Variants in B3GALT1 observed in about 807,000 individuals in gnomAD.
B3GALT1 encodes UDP-Gal:betaGlcNAc beta 1,3-galactosyltransferase, polypeptide 1.
B3GALT1 carries 10 observed loss-of-function variants against 23.2 expected under a neutral mutation model. That is an observed-to-expected ratio of 0.43 (90% CI 0.27 to 0.73). The LOEUF is 0.73. Ranked by LOEUF, B3GALT1 falls within the 30% of genes least tolerant of loss-of-function variation. The probability of loss-of-function intolerance (pLI) is 0.21; values close to 1 mark genes in which losing one functional copy is unlikely to be tolerated. For synonymous variants in B3GALT1, 156 were observed against 141.5 expected (o/e 1.10, Z -0.73); for missense variants, 299 against 405.4 (o/e 0.74, Z 2.25).
intron 3 of B3GALT1, among the ~76,000 whole-genome samples, chr2:167,752,632 T>TTA (rs1687756622): frequency 7.8e-6 from 1 of 128,460 alleles, no homozygotes; most frequent in Non-Finnish European, 1.6e-5. Flanking sequence ...AGTTAGTGGC[T>TTA]TCTCTAGATA....
At chr2:167,617,683 G>A (rs1200146854) in intron 2 of B3GALT1, among the ~76,000 whole-genome samples, 1 of 151,996 alleles carries the variant, frequency 6.6e-6, no homozygotes, top group Admixed American at 6.6e-5. Flanking sequence ...GGGAGGTACA[G>A]GATCATAGAA....
chr2:167,551,900 C>T (rs994103041), intron 2 of B3GALT1, among the ~76,000 whole-genome samples: 31 of 152,060 alleles, frequency 2.0e-4, no homozygotes, highest in African/African-American at 7.5e-4. Flanking sequence ...GTTCTGGAGT[C>T]CTCAGAGCTG....
At chr2:167,546,660 CT>C (rs1205907022) in intron 2 of B3GALT1, among the ~76,000 whole-genome samples, 7 of 152,136 alleles carry the variant, frequency 4.6e-5, no homozygotes, top group African/African-American at 1.7e-4. Flanking sequence ...TTCTCACATA[CT>C]TCTGGCATCC....
At chr2:167,652,711 C>T (rs1159380984) in intron 3 of B3GALT1, among the ~76,000 whole-genome samples, 1 of 152,156 alleles carries the variant, frequency 6.6e-6, no homozygotes. Context: ...TCTCCCACTT[C>T]CTGCACCCTC....
At chr2:167,476,962 G>T (rs777786490) in intron 1 of B3GALT1, among the ~76,000 whole-genome samples, 2 of 152,142 alleles carry the variant, frequency 1.3e-5, no homozygotes, top group African/African-American at 4.8e-5. Context: ...GTCTGCAGAG[G>T]ATAAAAGGAG....
chr2:167,559,505 T>A (rs7563518), intron 2 of B3GALT1, among the ~76,000 whole-genome samples: 2,248 of 152,176 alleles, frequency 0.015, 49 homozygotes, highest in African/African-American at 0.051. Context: ...ATCGAACTAC[T>A]CCAAGCTACA....
Position 167,841,783 on chromosome 2 carries a change from A to C in B3GALT1, c.-230+22990A>C, listed in dbSNP as rs187714721. Among the ~76,000 whole-genome samples, 9 of 152,376 alleles carry C rather than the reference A, an allele frequency of 5.9e-5. No individual in the cohort carries two copies. In the East Asian group the frequency reaches 1.7e-3, roughly 29 times the overall value. On this transcript the variant is annotated intron_variant, in intron 4 of 4. Coordinates refer to ENST00000392690, the MANE Select transcript of B3GALT1 (RefSeq NM_020981.4). ...AAATCAGAATGGTTACAGTGAATAT[A>C]GCTTTTCAGATTCTATATTTGCCAA...
At chr2:167,713,963 G>A (rs1687103469) in intron 3 of B3GALT1, 1 of 1,560,244 alleles carries the variant, frequency 6.4e-7, no homozygotes, top group Non-Finnish European at 8.8e-7. Flanking sequence ...TGGAAACAAT[G>A]GACCACTGAT....
intron 3 of B3GALT1, among the ~76,000 whole-genome samples, chr2:167,667,451 G>T (rs931543921): frequency 5.3e-5 from 8 of 152,176 alleles, no homozygotes; most frequent in Middle Eastern, 6.8e-3. Flanking sequence ...TTCTCGAGGA[G>T]TATCTTTGTG....
intron 4 of B3GALT1, among the ~76,000 whole-genome samples, chr2:167,853,392 G>T (rs1298547004): frequency 6.6e-6 from 1 of 151,864 alleles, no homozygotes; most frequent in African/African-American, 2.4e-5. Flanking sequence ...GTCAAATATT[G>T]TCTCTTCCAT....
Position 167,869,018 on chromosome 2 carries a change from G to A in B3GALT1, c.-22G>A, listed in dbSNP as rs987075632. On this transcript the variant is annotated 5_prime_UTR_variant, in exon 5 of 5. Coordinates refer to ENST00000392690, the MANE Select transcript of B3GALT1 (RefSeq NM_020981.4). The surrounding 1 kb of genome is among the most constrained non-coding windows in gnomAD (Gnocchi z 6.4). Reference sequence around the variant, plus strand: ...AAGGAGGCGTATTCTTCAATATTTGGAATAGACGTGTTCTCAAGACAATGG... The same window carrying A: ...AAGGAGGCGTATTCTTCAATATTTGAAATAGACGTGTTCTCAAGACAATGG... 9.6e-5 allele frequency: 150 copies of A among 1,568,224 alleles called. No homozygotes were observed. Among genetic ancestry groups the A allele is most frequent in the Non-Finnish European group, 1.3e-4 (146 of 1,158,572 alleles).
At chr2:167,841,550 T>A (rs1004080010) in intron 4 of B3GALT1, among the ~76,000 whole-genome samples, 1 of 152,240 alleles carries the variant, frequency 6.6e-6, no homozygotes. Context: ...GCTGCAATGA[T>A]GTGACCACAC....
chr2:167,488,246 G>A (rs537218681), intron 1 of B3GALT1, among the ~76,000 whole-genome samples: 2 of 152,292 alleles, frequency 1.3e-5, no homozygotes, highest in Middle Eastern at 3.4e-3. Flanking sequence ...TTAGTATAAA[G>A]TAGTTCATTC....
chr2:167,322,511 A>G (rs1463803816), intron 1 of B3GALT1, among the ~76,000 whole-genome samples: 5 of 152,050 alleles, frequency 3.3e-5, no homozygotes, highest in Non-Finnish European at 5.9e-5. Context: ...TGAATGTGCT[A>G]CATTTTTGCT....
At chr2:167,458,864 C>T (rs561414136) in intron 1 of B3GALT1, among the ~76,000 whole-genome samples, 4 of 152,120 alleles carry the variant, frequency 2.6e-5, no homozygotes, top group Non-Finnish European at 5.9e-5. Context: ...TTGACTGTAT[C>T]CTGATACTTT....
At chr2:167,446,024 G>A (rs1193983164) in intron 1 of B3GALT1, among the ~76,000 whole-genome samples, 2 of 152,252 alleles carry the variant, frequency 1.3e-5, no homozygotes, top group African/African-American at 2.4e-5. Flanking sequence ...TCCATGTTTA[G>A]TGCTTCCTTC....
chr2:167,769,959 G>A (rs899278249), intron 3 of B3GALT1, among the ~76,000 whole-genome samples: 4 of 152,186 alleles, frequency 2.6e-5, no homozygotes, highest in Non-Finnish European at 5.9e-5. Flanking sequence ...TTTGTAGGAA[G>A]CTATCAAACT....
At chr2:167,466,135 C>A (rs1194645239) in intron 1 of B3GALT1, among the ~76,000 whole-genome samples, 1 of 152,140 alleles carries the variant, frequency 6.6e-6, no homozygotes, top group Non-Finnish European at 1.5e-5. Context: ...ATGAATTCTT[C>A]TTAAGGAAAT....
At chr2:167,585,682 A>G (rs551799280) in intron 2 of B3GALT1, among the ~76,000 whole-genome samples, 3 of 152,234 alleles carry the variant, frequency 2.0e-5, no homozygotes, top group African/African-American at 7.2e-5. Context: ...TTCTAAATTT[A>G]TACCCAATAT....
Sources: allele counts gnomAD v4.1 joint callset (sites outside exome capture counted in the v4.1 genomes callset), GRCh38; gene constraint gnomAD v4.1.1; non-coding constraint Gnocchi (gnomAD v3.1); transcripts MANE v1.5; gene names NCBI Gene and HGNC (gene_info 2026-07-23, HGNC 2026-07-21).